Variants in RIOX2 observed in about 807,000 individuals in gnomAD.
RIOX2 encodes 60S ribosomal protein L27a histidine hydroxylase.
Under a neutral mutation model 51.2 loss-of-function variants are expected in RIOX2, and 43 were observed. That is an observed-to-expected ratio of 0.84 (90% CI 0.66 to 1.08). The LOEUF is 1.08. Ranked by LOEUF, RIOX2 falls within the 50% of genes least tolerant of loss-of-function variation. The pLI, the probability that RIOX2 is intolerant of heterozygous loss-of-function variation, is 0.00. For missense variants in RIOX2, 566 were observed against 561.7 expected (o/e 1.01, Z -0.08); for synonymous variants, 226 against 218.5 (o/e 1.03, Z -0.30).
chr3:97,950,858 G>C lies in RIOX2; in HGVS notation c.816C>G (p.Ile272Met), dbSNP rs767949057. 1 of 1,613,668 alleles carries C rather than the reference G, an allele frequency of 6.2e-7. No individual in the cohort carries two copies. Among genetic ancestry groups the C allele is most frequent in the South Asian group, 1.1e-5 (1 of 91,058 alleles). ...NSWGDFLLDTISGLVFDTAKE... is the reference protein window; with the variant it reads ...NSWGDFLLDTMSGLVFDTAKE... Reference sequence around the variant, plus strand: ...TTGCAGTATCAAATACAAGCCCCGAGATGGTATCCAAAAGGAAATCTCCCC... The same window carrying C: ...TTGCAGTATCAAATACAAGCCCCGACATGGTATCCAAAAGGAAATCTCCCC... Residue 272 changes from isoleucine to methionine, a missense_variant, in exon 6 of 10, where the codon ATC becomes ATG. Physicochemically the swap from Ile to Met is conservative, Grantham distance 10. Transcript: ENST00000394198.
At chr3:97,972,164 AC>A (rs1360312733) in intron 1 of RIOX2, 4 of 53,994 alleles carry the variant, frequency 7.4e-5, no homozygotes, top group Admixed American at 4.3e-4. Flanking sequence ...TCCGGGCCCC[AC>A]CCACCCTGCC....
intron 6 of RIOX2, 40 bp from the exon 7 acceptor site, chr3:97,950,055 G>A (rs772848724): frequency 1.6e-5 from 25 of 1,608,242 alleles, no homozygotes; most frequent in Non-Finnish European, 2.0e-5. Flanking sequence ...GATGCCAGCA[G>A]AACTTACTGC....
chr3:97,972,431 C>G lies in RIOX2; in HGVS notation c.-90G>C, dbSNP rs1243995096. The G allele has an allele frequency of 3.3e-5, 5 of 150,914 alleles. No homozygotes were observed. Among genetic ancestry groups the G allele is most frequent in the African/African-American group, 4.8e-5 (2 of 41,256 alleles). 9.3% of individuals were successfully genotyped at this position (150,914 alleles called of 1,614,324 possible). The stretch of plus-strand genomic sequence containing the variant: ...GCGAGCCCACTGCGTTGCGGCGCAG[C>G]GGCTGGAGGCGGGGCAGCGTGGGCA... On this transcript the variant is annotated 5_prime_UTR_variant, in exon 1 of 10. Transcript: ENST00000394198.
intron 9 of RIOX2, 112 bp downstream of exon 9, chr3:97,945,686 A>T: frequency 1.3e-6 from 1 of 797,818 alleles, no homozygotes; most frequent in Non-Finnish European, 2.0e-6. Context: ...CAAAATGGTT[A>T]AGTCCACAGT....
Position 97,959,171 on chromosome 3 carries a change from G to A in RIOX2, c.561C>T (p.Ile187=). The A allele has an allele frequency of 6.2e-7, 1 of 1,613,692 alleles. No homozygotes were observed. The highest frequency in any genetic ancestry group is 1.3e-5 in the African/African-American group (1 of 75,024). ...AGTGTTTCTCTCCCTCCAGCTGCAG[G>A]ATGAAAACCTAGAGACCCACAAGGC... ...PPHYDDVEVF[I]LQLEGEKHWR... The change falls in exon 4 of 10, where the codon ATC becomes ATT. Residue 187 remains isoleucine (I), a synonymous_variant. Coordinates refer to ENST00000394198, the MANE Select transcript of RIOX2 (RefSeq NM_153182.4).
chr3:97,944,192 C>T lies in RIOX2; in HGVS notation c.*992G>A, dbSNP rs2040298294. On this transcript the variant is annotated 3_prime_UTR_variant, in exon 10 of 10. Coordinates refer to ENST00000394198, the MANE Select transcript of RIOX2 (RefSeq NM_153182.4). ...CATTTGAACCTTGACCTTACCATCT[C>T]TTTAAGTAAACGTGGAGTTGATTTC... is the stretch of plus-strand genomic sequence containing the variant. The T allele has an allele frequency of 6.6e-6, 1 of 151,512 alleles. No homozygotes were observed. Among genetic ancestry groups the T allele is most frequent in the Non-Finnish European group, 1.5e-5 (1 of 67,822 alleles). The allele number at this position is 151,512 out of a possible 1,614,324, so 9.4% of individuals were successfully genotyped here.
rs2040260336 is a variant in RIOX2 at position 97,942,790 on chromosome 3, A to T, written c.*2394T>A. Reference sequence around the variant, plus strand: ...GCCAGGAATTGCCATGGTCCTTAAAAACCCTCAGGTAGAATTTATGGTAGG... The same window carrying T: ...GCCAGGAATTGCCATGGTCCTTAAATACCCTCAGGTAGAATTTATGGTAGG... On this transcript the variant is annotated 3_prime_UTR_variant, in exon 10 of 10. Coordinates refer to ENST00000394198, the MANE Select transcript of RIOX2 (RefSeq NM_153182.4). 4.5e-6 allele frequency: 1 copy of T among 221,470 alleles called. No individual in the cohort carries two copies. The highest frequency in any genetic ancestry group is 2.3e-5 in the African/African-American group (1 of 43,218). 13.7% of individuals were successfully genotyped at this position (221,470 alleles called of 1,614,324 possible). A position where few individuals can be genotyped will look rare whatever the true frequency, so the allele number is the denominator to read the frequency against.
intron 2 of RIOX2, among the ~76,000 whole-genome samples, chr3:97,963,789 T>A (rs1576014278): frequency 6.6e-6 from 1 of 152,206 alleles, no homozygotes; most frequent in Non-Finnish European, 1.5e-5. Flanking sequence ...ACAATTTTTC[T>A]ATTTCATCTG....
At position 97,950,027 on chromosome 3, in the gene RIOX2, G is replaced by C; in HGVS notation, c.889-12C>G. Reference sequence around the variant, plus strand: ...GTGGATTCCACCTGCTAGGAACACAGAAGTGAGTCCTGGCCCAGATGCCAG... The same window carrying C: ...GTGGATTCCACCTGCTAGGAACACACAAGTGAGTCCTGGCCCAGATGCCAG... On this transcript the variant is annotated splice_polypyrimidine_tract_variant and intron_variant, in intron 6 of 9. Transcript: ENST00000394198. 1 of 1,612,866 alleles carries C rather than the reference G, an allele frequency of 6.2e-7. No homozygotes were observed. Among genetic ancestry groups the C allele is most frequent in the Non-Finnish European group, 8.5e-7 (1 of 1,179,752 alleles).
In RIOX2 at chr3:97,945,907, G is replaced by T; in HGVS notation, c.1150-20C>A. The T allele has an allele frequency of 6.5e-7, 1 of 1,539,574 alleles. No homozygotes were observed. The highest frequency in any genetic ancestry group is 9.0e-7 in the Non-Finnish European group (1 of 1,114,104). Reference sequence around the variant, plus strand: ...TTCATCCTTTGGGGAAAAAATAAATGCATTAGGCCATCAACAACACAACAC... The same window carrying T: ...TTCATCCTTTGGGGAAAAAATAAATTCATTAGGCCATCAACAACACAACAC... On this transcript the variant is annotated intron_variant, in intron 8 of 9. Coordinates refer to ENST00000394198, the MANE Select transcript of RIOX2 (RefSeq NM_153182.4).
intron 4 of RIOX2, among the ~76,000 whole-genome samples, chr3:97,956,498 ATTTT>A (rs35221190): frequency 1.4e-5 from 2 of 144,872 alleles, no homozygotes; most frequent in Non-Finnish European, 3.1e-5. Flanking sequence ...GCCTCTAAAG[ATTTT>A]TTTTTTTTTT....
At chr3:97,957,799 A>G (rs1705508666) in intron 4 of RIOX2, among the ~76,000 whole-genome samples, 1 of 152,210 alleles carries the variant, frequency 6.6e-6, no homozygotes, top group African/African-American at 2.4e-5. Context: ...GAATCTATGT[A>G]AACATGATGC....
At chr3:97,947,498 C>T in intron 7 of RIOX2, 49 bp from the exon 8 acceptor site, 1 of 1,448,408 alleles carries the variant, frequency 6.9e-7, no homozygotes, top group Non-Finnish European at 9.7e-7. Context: ...AGGAAACAGG[C>T]AGATTCAAAC....
chr3:97,951,175 A>G (rs1307668828), intron 5 of RIOX2: 1 of 273,022 alleles, frequency 3.7e-6, no homozygotes, highest in African/African-American at 2.2e-5. Flanking sequence ...AAAATTAACC[A>G]TAGACTTTCA....
intron 1 of RIOX2, among the ~76,000 whole-genome samples, chr3:97,968,156 G>A (rs1424984726): frequency 3.3e-5 from 5 of 152,080 alleles, no homozygotes; most frequent in South Asian, 2.1e-4. Context: ...CAATCAATGC[G>A]CCCTGGACCC....
chr3:97,971,078 G>C (rs1706111806), intron 1 of RIOX2, among the ~76,000 whole-genome samples: 2 of 152,192 alleles, frequency 1.3e-5, no homozygotes, highest in African/African-American at 4.8e-5. Context: ...AAAAACAGAT[G>C]GCCTGTGCAG....
intron 2 of RIOX2, among the ~76,000 whole-genome samples, chr3:97,962,666 G>A (rs1426878942): frequency 2.0e-5 from 3 of 152,116 alleles, no homozygotes; most frequent in Non-Finnish European, 4.4e-5. Flanking sequence ...GAGGAGGGGG[G>A]CAATTAGGCC....
intron 4 of RIOX2, among the ~76,000 whole-genome samples, chr3:97,955,142 C>T (rs899967623): frequency 6.6e-6 from 1 of 152,100 alleles, no homozygotes; most frequent in South Asian, 2.1e-4. Flanking sequence ...TCTTGTCTTT[C>T]CCAGAGCCTA....
chr3:97,944,964 T>C lies in RIOX2; in HGVS notation c.*220A>G, dbSNP rs756443007. The C allele has an allele frequency of 1.6e-5, 6 of 372,542 alleles. No individual in the cohort carries two copies. Among genetic ancestry groups the C allele is most frequent in the Non-Finnish European group, 2.4e-5 (5 of 208,282 alleles). 23.1% of individuals were successfully genotyped at this position (372,542 alleles called of 1,614,324 possible). A position where few individuals can be genotyped will look rare whatever the true frequency, so the allele number is the denominator to read the frequency against. ...TGGATTAAATAAACTTGTCAAAATA[T>C]GGTTTTGTCATTTTCTGAGACACTT... On this transcript the variant is annotated 3_prime_UTR_variant, in exon 10 of 10. Transcript: ENST00000394198.
Sources: allele counts gnomAD v4.1 joint callset (sites outside exome capture counted in the v4.1 genomes callset), GRCh38; gene constraint gnomAD v4.1.1; transcripts MANE v1.5; gene names NCBI Gene and HGNC (gene_info 2026-07-23, HGNC 2026-07-21).